Variants in PCGF5 observed in about 807,000 individuals in gnomAD.
PCGF5 encodes the protein polycomb group ring finger 5.
A neutral mutation model predicts 44.3 loss-of-function variants in PCGF5; 9 were observed. The observed-to-expected ratio is 0.20, with a 90% CI of 0.12 to 0.35. PCGF5 has a LOEUF of 0.35. Ranked by LOEUF, PCGF5 falls within the 10% of genes least tolerant of loss-of-function variation. PCGF5 has a pLI of 1.00. For synonymous variants in PCGF5, 95 were observed against 102.5 expected (o/e 0.93, Z 0.44); for missense variants, 146 against 305.3 (o/e 0.48, Z 3.89).
chr10:91,258,580 T>C (rs917973993), intron 6 of PCGF5, among the ~76,000 whole-genome samples: 1 of 152,004 alleles, frequency 6.6e-6, no homozygotes, highest in African/African-American at 2.4e-5. Context: ...CTTGTAAAAA[T>C]GTGCTAATGA....
At chr10:91,268,990 G>C (rs1002034035) in intron 8 of PCGF5, among the ~76,000 whole-genome samples, 1 of 151,948 alleles carries the variant, frequency 6.6e-6, no homozygotes, top group South Asian at 2.1e-4. Context: ...TCTTATTAGT[G>C]GGAGGAAAAA....
chr10:91,260,098 T>G (rs1845859521), intron 6 of PCGF5, among the ~76,000 whole-genome samples: 1 of 151,878 alleles, frequency 6.6e-6, no homozygotes, highest in African/African-American at 2.4e-5. Context: ...GAATCTGCAA[T>G]GAACTCCAAC....
chr10:91,213,764 C>T (rs1844495635), intron 1 of PCGF5, among the ~76,000 whole-genome samples: 1 of 151,910 alleles, frequency 6.6e-6, no homozygotes, highest in South Asian at 2.1e-4. Context: ...GGATTACAGG[C>T]GTGAGCCACC....
chr10:91,170,246 C>T (rs992499313), intron 1 of PCGF5, among the ~76,000 whole-genome samples: 1 of 152,160 alleles, frequency 6.6e-6, no homozygotes, highest in African/African-American at 2.4e-5. Context: ...ATCATAGGCA[C>T]AGCCATGAAA....
In PCGF5 at chr10:91,236,600, TAG is replaced by T. The variant is rs1361145053; in HGVS notation, c.113-3879_113-3878del. Among the ~76,000 whole-genome samples, 4 of 152,324 alleles carry T rather than the reference TAG, an allele frequency of 2.6e-5. No individual in the cohort carries two copies. In the South Asian group the frequency reaches 8.3e-4, roughly 32 times the overall value. ...TTAACCACTACAGCAGTTGAGCAGT[TAG>T]AGAGTTTGGCATGAAATCTTTAAGA... On this transcript the variant is annotated intron_variant, in intron 2 of 9. Transcript: ENST00000336126.
At chr10:91,180,176 C>T (rs553271454) in intron 1 of PCGF5, among the ~76,000 whole-genome samples, 6 of 152,174 alleles carry the variant, frequency 3.9e-5, no homozygotes, top group African/African-American at 1.4e-4. Flanking sequence ...ATGTTCTTTG[C>T]CCACTTTTTA....
At chr10:91,164,552 A>T (rs942309006) in intron 1 of PCGF5, among the ~76,000 whole-genome samples, 2 of 152,222 alleles carry the variant, frequency 1.3e-5, no homozygotes, top group African/African-American at 2.4e-5. Flanking sequence ...GAAAAATTTT[A>T]AAAGTGGATC....
At chr10:91,267,918 CT>C (rs1564656624) in intron 8 of PCGF5, among the ~76,000 whole-genome samples, 1 of 152,062 alleles carries the variant, frequency 6.6e-6, no homozygotes, top group Non-Finnish European at 1.5e-5. Context: ...GTTTCTATTG[CT>C]TTTTTGTATT....
intron 2 of PCGF5, among the ~76,000 whole-genome samples, chr10:91,234,621 A>G (rs781443042): frequency 1.1e-4 from 17 of 152,238 alleles, no homozygotes; most frequent in Non-Finnish European, 1.8e-4. Flanking sequence ...GTCTGATATT[A>G]TTCAGTATTG....
At position 91,232,860 on chromosome 10, in the gene PCGF5, G is replaced by A. The variant is rs117586017; in HGVS notation, c.113-7624G>A. Among the ~76,000 whole-genome samples the A allele has an allele frequency of 3.9e-4, 59 of 152,294 alleles. No individual in the cohort carries two copies. The East Asian group carries it at 7.3e-3, about 19-fold the overall frequency. On this transcript the variant is annotated intron_variant, in intron 2 of 9. Transcript: ENST00000336126. ...AAGGTGTGAAATACTAGCAAGAAGCGTAATGGACTTGGGGCATTGAGTATG... is the reference window on the plus strand; with the variant it reads ...AAGGTGTGAAATACTAGCAAGAAGCATAATGGACTTGGGGCATTGAGTATG...
intron 1 of PCGF5, among the ~76,000 whole-genome samples, chr10:91,194,110 T>TAA (rs1455509939): frequency 6.6e-6 from 1 of 152,156 alleles, no homozygotes; most frequent in Non-Finnish European, 1.5e-5. Context: ...ACATGTCTGT[T>TAA]AAACATCCAG....
chr10:91,198,138 T>C (rs1844177496), intron 1 of PCGF5, among the ~76,000 whole-genome samples: 1 of 152,182 alleles, frequency 6.6e-6, no homozygotes, highest in South Asian at 2.1e-4. Context: ...GGAAGAGAAG[T>C]GTCAGATCAC....
In PCGF5 at chr10:91,222,800, T is replaced by G; in HGVS notation, c.-72T>G. 3 of 853,578 alleles carry G rather than the reference T, an allele frequency of 3.5e-6. No homozygotes were observed. In the South Asian group the frequency reaches 4.5e-5, roughly 13 times the overall value. The allele number at this position is 853,578 out of a possible 1,614,324, so 52.9% of individuals were successfully genotyped here. On this transcript the variant is annotated 5_prime_UTR_variant, in exon 2 of 10. Coordinates refer to ENST00000336126, the MANE Select transcript of PCGF5 (RefSeq NM_032373.5). Reference sequence around the variant, plus strand: ...CTACTGGGAACGACACACCAGCTCCTGGGATCAGACTTTCATCTACTTAGG... The same window carrying G: ...CTACTGGGAACGACACACCAGCTCCGGGGATCAGACTTTCATCTACTTAGG...
intron 1 of PCGF5, among the ~76,000 whole-genome samples, chr10:91,191,580 A>T (rs1240020298): frequency 6.6e-6 from 1 of 152,206 alleles, no homozygotes; most frequent in African/African-American, 2.4e-5. Flanking sequence ...ACATGTAGGT[A>T]ATCTAGTCAG....
At position 91,251,358 on chromosome 10, in the gene PCGF5, A is replaced by G. The variant is rs1283091937; in HGVS notation, c.392A>G (p.Asp131Gly). 6.2e-7 allele frequency: 1 copy of G among 1,610,926 alleles called. No individual in the cohort carries two copies. Residue 131 changes from aspartate (D) to glycine (G), a missense_variant, in exon 6 of 10, where the codon GAT becomes GGT. By Grantham distance (94) the Asp-to-Gly change is moderately conservative (BLOSUM62 -1). Transcript: ENST00000336126. Reference protein sequence around the residue: ...EEGDENEDDKDYHRSDPQIAI... With the variant: ...EEGDENEDDKGYHRSDPQIAI... ...GGTGATGAAAATGAAGATGATAAAG[A>G]TTATCACAGAAGTGACCCACAAATT... is the stretch of plus-strand genomic sequence containing the variant.
intron 2 of PCGF5, among the ~76,000 whole-genome samples, chr10:91,225,072 T>C (rs1020644323): frequency 4.0e-5 from 6 of 151,880 alleles, no homozygotes; most frequent in African/African-American, 9.7e-5. Flanking sequence ...ATTTTATATA[T>C]GTCCTTTGGA....
intron 9 of PCGF5, among the ~76,000 whole-genome samples, chr10:91,275,978 A>G (rs1434915337): frequency 6.6e-6 from 1 of 152,178 alleles, no homozygotes; most frequent in Non-Finnish European, 1.5e-5. Flanking sequence ...CTATAACAGC[A>G]TAATATACAG....
chr10:91,221,155 T>G (rs1465229569), intron 1 of PCGF5, among the ~76,000 whole-genome samples: 1 of 152,114 alleles, frequency 6.6e-6, no homozygotes, highest in Non-Finnish European at 1.5e-5. Flanking sequence ...CACAGGGCTG[T>G]ACCGCTGGGT....
intron 1 of PCGF5, among the ~76,000 whole-genome samples, chr10:91,190,636 A>G (rs1159783894): frequency 6.6e-6 from 1 of 152,200 alleles, no homozygotes; most frequent in African/African-American, 2.4e-5. Context: ...ATGCTCTCCC[A>G]TTGAATCATT....
Sources: gnomAD v4.1 joint callset for allele counts (sites outside exome capture counted in the v4.1 genomes callset) on GRCh38, gnomAD v4.1.1 for gene constraint, MANE v1.5 for transcripts, NCBI Gene and HGNC (gene_info 2026-07-23, HGNC 2026-07-21) for gene names.